LGALS3BP: variants seen among roughly 807,000 people sequenced by gnomAD.
LGALS3BP encodes the protein galectin-3-binding protein.
A neutral mutation model predicts 22.9 loss-of-function variants in LGALS3BP; 25 were observed. The ratio of observed to expected loss-of-function variants is 1.09; its 90% CI spans 0.80 to 1.53. The LOEUF (loss-of-function observed/expected upper bound fraction) is 1.53, where lower values mean the gene tolerates loss of function less well. LGALS3BP is among the 40% of genes most tolerant of loss of function. LGALS3BP has a pLI of 0.00. For synonymous variants in LGALS3BP, 335 were observed against 331.1 expected (o/e 1.01, Z -0.13); for missense variants, 718 against 752.0 (o/e 0.95, Z 0.53).
At position 78,971,856 on chromosome 17, in the gene LGALS3BP, C is replaced by A. The variant is rs749893433; in HGVS notation, c.1478G>T (p.Gly493Val). Residue 493 changes from glycine to valine, a missense_variant, in exon 6 of 6, where the codon GGC (glycine) becomes GTC (valine). Gly to Val is a moderately radical substitution (Grantham distance 109, BLOSUM62 -3). Coordinates refer to ENST00000262776, the MANE Select transcript of LGALS3BP (RefSeq NM_005567.4). This position sits in a 1 kb window ranked among gnomAD's most constrained non-coding sequence, Gnocchi z 5.6. Reference sequence around the variant, plus strand: ...GAGCTCGTCCGAGGAGCAGGAGAAGCCGTAGTTCCAGCAGCTCTGGATGGT... The same window carrying A: ...GAGCTCGTCCGAGGAGCAGGAGAAGACGTAGTTCCAGCAGCTCTGGATGGT... Reference protein sequence around the residue: ...LPTIQSCWNYGFSCSSDELPV... With the variant: ...LPTIQSCWNYVFSCSSDELPV... 6.2e-7 allele frequency: 1 copy of A among 1,614,134 alleles called. No homozygotes were observed. Among genetic ancestry groups the A allele is most frequent in the Admixed American group, 1.7e-5 (1 of 60,016 alleles).
intron 1 of LGALS3BP, among the ~76,000 whole-genome samples, chr17:78,977,932 G>C (rs1323612957): frequency 2.0e-5 from 3 of 152,220 alleles, no homozygotes; most frequent in African/African-American, 7.2e-5. Context: ...GGCCAGGACT[G>C]GGGAGGTCCG....
chr17:78,977,990 G>C (rs1487728791), intron 1 of LGALS3BP, among the ~76,000 whole-genome samples: 3 of 152,166 alleles, frequency 2.0e-5, no homozygotes, highest in Non-Finnish European at 2.9e-5. Flanking sequence ...TAATTTCCAC[G>C]CTTTTGTCTT....
Position 78,971,681 on chromosome 17 carries a change from G to A in LGALS3BP, c.1653C>T (p.Asn551=), listed in dbSNP as rs762571842. The A allele has an allele frequency of 1.2e-5, 20 of 1,613,824 alleles. No individual in the cohort carries two copies. The highest frequency in any genetic ancestry group is 1.6e-5 in the Non-Finnish European group (19 of 1,180,028). ...GGAAGGAGGAGGTGCTCTTCGAGCT[G>A]TTGGTGTCCAGGGCACTGGGAATCG... is the stretch of plus-strand genomic sequence containing the variant. ...KAAIPSALDT[N]SSKSTSSFPC... The change falls in exon 6 of 6, where the codon AAC becomes AAT. Residue 551 remains asparagine, a synonymous_variant. Coordinates refer to ENST00000262776, the MANE Select transcript of LGALS3BP (RefSeq NM_005567.4). This position sits in a 1 kb window ranked among gnomAD's most constrained non-coding sequence, Gnocchi z 5.6.
At position 78,973,237 on chromosome 17, in the gene LGALS3BP, G is replaced by A; in HGVS notation, c.377-15C>T. ...GCTCCTGGTTTCTAAGAAGGGGCGG[G>A]AGGGAAGTGGGCTGCGTTAGGAGCC... On this transcript the variant is annotated splice_polypyrimidine_tract_variant and intron_variant, in intron 4 of 5. Transcript: ENST00000262776. The surrounding 1 kb of genome is among the most constrained non-coding windows in gnomAD (Gnocchi z 5.8). 1 of 1,507,246 alleles carries A rather than the reference G, an allele frequency of 6.6e-7. No homozygotes were observed. 93.4% of individuals were successfully genotyped at this position (1,507,246 alleles called of 1,614,324 possible).
Position 78,972,278 on chromosome 17 carries a change from G to T in LGALS3BP, c.1056C>A (p.Leu352=). 6.2e-7 allele frequency: 1 copy of T among 1,613,564 alleles called. No individual in the cohort carries two copies. The highest frequency in any genetic ancestry group is 8.5e-7 in the Non-Finnish European group (1 of 1,179,926). ...ACTGCAGCTCAAAGAGCTCCTCAGG[G>T]AGCATCATGGGGAAGCGGATCTTCT... ...LVEKIRFPMM[L]PEELFELQFN... is the part of the protein sequence containing the mutation. Residue 352 remains leucine, a synonymous_variant, in exon 6 of 6, where the codon CTC becomes CTA. Transcript: ENST00000262776. The surrounding 1 kb of genome is among the most constrained non-coding windows in gnomAD (Gnocchi z 5.1).
rs144863046 is a variant in LGALS3BP, at chr17:78,976,652, A to G, written c.52+488T>C. ...ATGTCCTTCTGGGACTCAGTCCACC[A>G]ACACTCCAGCCCCTACAGGAGCTGA... On this transcript the variant is annotated intron_variant, in intron 2 of 5. Coordinates refer to ENST00000262776, the MANE Select transcript of LGALS3BP (RefSeq NM_005567.4). This position sits in a 1 kb window ranked among gnomAD's most constrained non-coding sequence, Gnocchi z 4.6. 1.6e-3 allele frequency among the ~76,000 whole-genome samples: 249 copies of G among 152,262 alleles called. No individual in the cohort carries two copies. The highest frequency in any genetic ancestry group is 5.6e-3 in the African/African-American group (233 of 41,560).
chr17:78,973,801 G>T lies in LGALS3BP; in HGVS notation c.377-579C>A, dbSNP rs561573609. Among the ~76,000 whole-genome samples the T allele has an allele frequency of 2.0e-5, 3 of 152,160 alleles. No individual in the cohort carries two copies. The East Asian group carries it at 5.8e-4, about 29-fold the overall frequency. On this transcript the variant is annotated intron_variant, in intron 4 of 5. Coordinates refer to ENST00000262776, the MANE Select transcript of LGALS3BP (RefSeq NM_005567.4). This position sits in a 1 kb window ranked among gnomAD's most constrained non-coding sequence, Gnocchi z 5.8. ...AATGAAATCCCATAGGTTTTTCTTC[G>T]CCACAAATATAGTAGTTTTGAAGTA... is the stretch of plus-strand genomic sequence containing the variant.
At chr17:78,975,836 GCTAA>G in intron 3 of LGALS3BP, 125 bp downstream of exon 3, 1 of 281,424 alleles carries the variant, frequency 3.6e-6, no homozygotes, top group Admixed American at 5.6e-5. Flanking sequence ...GTTTGCTCTT[GCTAA>G]ATTAATAGGA....
rs1180145404 is a variant in LGALS3BP, at chr17:78,972,567, G to A, written c.767C>T (p.Ser256Leu). Reference protein sequence around the residue: ...LFAILLPQDPSFQMPLDLYAY... With the variant: ...LFAILLPQDPLFQMPLDLYAY... ...ATACAGGTCCAGGGGCATCTGGAAC[G>A]AGGGGTCCTGGGGGAGGAGGATGGC... is the stretch of plus-strand genomic sequence containing the variant. Residue 256 changes from serine (S) to leucine (L), a missense_variant, in exon 6 of 6, where the codon TCG (serine) becomes TTG (leucine). Ser to Leu is a moderately radical substitution (Grantham distance 145). Transcript: ENST00000262776. The surrounding 1 kb of genome is among the most constrained non-coding windows in gnomAD (Gnocchi z 5.1). 7.5e-6 allele frequency: 12 copies of A among 1,602,658 alleles called. No individual in the cohort carries two copies. The highest frequency in any genetic ancestry group is 1.3e-5 in the African/African-American group (1 of 74,820).
At position 78,972,482 on chromosome 17, in the gene LGALS3BP, G is replaced by A; in HGVS notation, c.852C>T (p.Ala284=). Residue 284 remains alanine, a synonymous_variant, in exon 6 of 6, where the codon GCC becomes GCT. Transcript: ENST00000262776. The surrounding 1 kb of genome is among the most constrained non-coding windows in gnomAD (Gnocchi z 5.1). ...CCTGCGTCAAGGCCTCGAAGTTCCA[G>A]GCCAGGAACTGTAGGCAGAGCTTCT... ...LLEKLCLQFL[A]WNFEALTQAE... 1 of 1,613,394 alleles carries A rather than the reference G, an allele frequency of 6.2e-7. No individual in the cohort carries two copies. The highest frequency in any genetic ancestry group is 8.5e-7 in the Non-Finnish European group (1 of 1,179,968).
In LGALS3BP at chr17:78,973,370, C is replaced by A; in HGVS notation, c.377-148G>T. On this transcript the variant is annotated intron_variant, in intron 4 of 5. Coordinates refer to ENST00000262776, the MANE Select transcript of LGALS3BP (RefSeq NM_005567.4). This position sits in a 1 kb window ranked among gnomAD's most constrained non-coding sequence, Gnocchi z 5.8. ...TGGGAAGACGAGGGACAAGAGAGAC[C>A]GGAAGTGTCGGATTCCTGGACCCTG... 1 of 946,016 alleles carries A rather than the reference C, an allele frequency of 1.1e-6. No individual in the cohort carries two copies. The highest frequency in any genetic ancestry group is 1.5e-6 in the Non-Finnish European group (1 of 657,926). 58.6% of individuals were successfully genotyped at this position (946,016 alleles called of 1,614,324 possible).
chr17:78,975,433 G>A (rs533172051), intron 3 of LGALS3BP, among the ~76,000 whole-genome samples: 3 of 152,246 alleles, frequency 2.0e-5, no homozygotes, highest in Admixed American at 6.5e-5. Flanking sequence ...CCAAGCACCC[G>A]CCACCATCAC....
chr17:78,974,248 G>A (rs2070699366), intron 4 of LGALS3BP, among the ~76,000 whole-genome samples: 1 of 152,014 alleles, frequency 6.6e-6, no homozygotes. Context: ...AGAGCAGCCT[G>A]GGTTCCCTCC....
In LGALS3BP at chr17:78,971,559, C is replaced by T; in HGVS notation, c.*17G>A. On this transcript the variant is annotated 3_prime_UTR_variant, in exon 6 of 6. Coordinates refer to ENST00000262776, the MANE Select transcript of LGALS3BP (RefSeq NM_005567.4). This position sits in a 1 kb window ranked among gnomAD's most constrained non-coding sequence, Gnocchi z 5.6. ...TCCTGGGGTTCTCCGGTTCTCACCACCCTTGGGCCACGCCGTCTAGTCCAC... is the reference window on the plus strand; with the variant it reads ...TCCTGGGGTTCTCCGGTTCTCACCATCCTTGGGCCACGCCGTCTAGTCCAC... The T allele has an allele frequency of 6.2e-7, 1 of 1,605,612 alleles. No homozygotes were observed. Among genetic ancestry groups the T allele is most frequent in the Non-Finnish European group, 8.5e-7 (1 of 1,175,160 alleles).
At position 78,972,576 on chromosome 17, in the gene LGALS3BP, TG is replaced by T. The variant is rs1568022701; in HGVS notation, c.757del (p.Gln253ArgfsTer38). On this transcript the variant is annotated frameshift_variant, in exon 6 of 6. Coordinates refer to ENST00000262776, the MANE Select transcript of LGALS3BP (RefSeq NM_005567.4). LOFTEE classifies it low-confidence loss of function (END_TRUNC). The surrounding 1 kb of genome is among the most constrained non-coding windows in gnomAD (Gnocchi z 5.1). ...CASLFAILLP[Q>X]DPSFQMPLDL... is the part of the protein sequence containing the mutation. Reference sequence around the variant, plus strand: ...CAGGGGCATCTGGAACGAGGGGTCCTGGGGGAGGAGGATGGCAAAGAGGCTT... The same window carrying T: ...CAGGGGCATCTGGAACGAGGGGTCCTGGGGAGGAGGATGGCAAAGAGGCTT... 1.2e-6 allele frequency: 2 copies of T among 1,600,874 alleles called. No homozygotes were observed. The highest frequency in any genetic ancestry group is 1.7e-6 in the Non-Finnish European group (2 of 1,171,320).
Position 78,973,304 on chromosome 17 carries a change from G to T in LGALS3BP, c.377-82C>A. 7.1e-7 allele frequency: 1 copy of T among 1,404,230 alleles called. No individual in the cohort carries two copies. Among genetic ancestry groups the T allele is most frequent in the Non-Finnish European group, 9.4e-7 (1 of 1,069,426 alleles). The allele number at this position is 1,404,230 out of a possible 1,614,324, so 87.0% of individuals were successfully genotyped here. ...CTGGGGTCAGTGTCTTCATCTGAAAGTGAGGGATTTGTGGCTGCCTCATTC... is the reference window on the plus strand; with the variant it reads ...CTGGGGTCAGTGTCTTCATCTGAAATTGAGGGATTTGTGGCTGCCTCATTC... On this transcript the variant is annotated intron_variant, in intron 4 of 5. Transcript: ENST00000262776. The surrounding 1 kb of genome is among the most constrained non-coding windows in gnomAD (Gnocchi z 5.8).
intron 4 of LGALS3BP, 81 bp downstream of exon 4, chr17:78,974,607 G>C: frequency 6.7e-7 from 1 of 1,485,096 alleles, no homozygotes; most frequent in South Asian, 1.2e-5. Context: ...ATGTGCGTGG[G>C]GGGGTGGTGC....
intron 3 of LGALS3BP, 101 bp downstream of exon 3, chr17:78,975,864 G>T: frequency 6.7e-6 from 3 of 445,324 alleles, no homozygotes; most frequent in Non-Finnish European, 1.1e-5. Context: ...CAATTTGCAT[G>T]TCTTTGAAAC....
chr17:78,974,398 G>A (rs1351623665), intron 4 of LGALS3BP, among the ~76,000 whole-genome samples: 3 of 152,218 alleles, frequency 2.0e-5, no homozygotes, highest in East Asian at 1.9e-4. Flanking sequence ...CTGGAGCCAG[G>A]TGTCATGCTC....
Sources: allele counts gnomAD v4.1 joint callset (sites outside exome capture counted in the v4.1 genomes callset), GRCh38; gene constraint gnomAD v4.1.1; non-coding constraint Gnocchi (gnomAD v3.1); transcripts MANE v1.5; gene names NCBI Gene and HGNC (gene_info 2026-07-23, HGNC 2026-07-21).